The following ANGPTL6 variants were observed in gnomAD, a reference collection of about 807,000 sequenced individuals.
ANGPTL6 encodes angiopoietin like 6.
In ANGPTL6, 45 loss-of-function variants were observed where a neutral mutation model predicts 47.4. That is an observed-to-expected ratio of 0.95 (90% CI 0.75 to 1.22). The LOEUF is 1.22. Ranked by LOEUF, ANGPTL6 falls within the 50% of genes most tolerant of loss-of-function variation. ANGPTL6 has a pLI of 0.00. For missense variants in ANGPTL6, 698 were observed against 669.4 expected, an observed-to-expected ratio of 1.04 and a Z score of -0.47; for synonymous variants, 290 against 295.9, an observed-to-expected ratio of 0.98 and a Z score of 0.20.
rs1310330965 is a variant in ANGPTL6, at chr19:10,094,952, G to A, written c.583-14C>T. 3 of 1,592,934 alleles carry A rather than the reference G, an allele frequency of 1.9e-6. No homozygotes were observed. The highest frequency in any genetic ancestry group is 2.6e-6 in the Non-Finnish European group (3 of 1,168,342). On this transcript the variant is annotated splice_polypyrimidine_tract_variant and intron_variant, in intron 2 of 5. Coordinates refer to ENST00000253109, the MANE Select transcript of ANGPTL6 (RefSeq NM_031917.3). ...TGGCGGCAGGACCTGGGGTGACGGA[G>A]AAAGTCAGGTGTAATTGCACTAACC...
At chr19:10,100,715 G>C (rs1162305046) in intron 1 of ANGPTL6, among the ~76,000 whole-genome samples, 1 of 152,228 alleles carries the variant, frequency 6.6e-6, no homozygotes, top group East Asian at 1.9e-4. Context: ...TCCTGCCCTT[G>C]CAGAGCTGAC....
intron 1 of ANGPTL6, among the ~76,000 whole-genome samples, chr19:10,097,224 A>T (rs2088569406): frequency 6.6e-6 from 1 of 152,166 alleles, no homozygotes; most frequent in Non-Finnish European, 1.5e-5. Flanking sequence ...TAGACAACAC[A>T]GAGAGACCCT....
chr19:10,105,385 C>T (rs1256801215), upstream of ANGPTL6, among the ~76,000 whole-genome samples: 1 of 151,784 alleles, frequency 6.6e-6, no homozygotes, highest in Non-Finnish European at 1.5e-5. Flanking sequence ...ATGGGAGAGA[C>T]ATAGGGAGAT....
At chr19:10,093,043 G>T in intron 5 of ANGPTL6, 1 of 489,586 alleles carries the variant, frequency 2.0e-6, no homozygotes, top group South Asian at 4.3e-5. Context: ...GGAGTCTACC[G>T]TTCATTCCTT....
At chr19:10,094,538 C>CA (rs1448209108) in intron 3 of ANGPTL6, 6 of 617,630 alleles carry the variant, frequency 9.7e-6, no homozygotes, top group Non-Finnish European at 1.7e-5. Flanking sequence ...AAACTCTTAC[C>CA]AAAGTAGCAG....
At chr19:10,103,423 C>G (rs2088729360), upstream of ANGPTL6, among the ~76,000 whole-genome samples, 1 of 151,492 alleles carries the variant, frequency 6.6e-6, no homozygotes, top group South Asian at 2.1e-4. Flanking sequence ...AACCCCGTCT[C>G]TACTAACAAT....
rs754807990 is a variant in ANGPTL6, at chr19:10,096,160, G to C, written c.404C>G (p.Ala135Gly). The C allele has an allele frequency of 5.0e-5, 66 of 1,315,266 alleles. No individual in the cohort carries two copies. Among genetic ancestry groups the C allele is most frequent in the Middle Eastern group, 2.7e-4 (1 of 3,652 alleles). The allele number at this position is 1,315,266 out of a possible 1,614,324, so 81.5% of individuals were successfully genotyped here. The change falls in exon 2 of 6, where the codon GCG (alanine) becomes GGG (glycine). Residue 135 changes from alanine to glycine, a missense_variant. Physicochemically the swap from Ala to Gly is moderately conservative, Grantham distance 60. Transcript: ENST00000253109. ...CACGCGCTCCCCGAGCAGCGCCAGC[G>C]CCGCGGCAGGCTCCGCCCCCAGATC... ...GADLGAEPAAALALLGERVLN... is the reference protein window; with the variant it reads ...GADLGAEPAAGLALLGERVLN...
At chr19:10,099,501 C>A (rs947038445) in intron 1 of ANGPTL6, among the ~76,000 whole-genome samples, 8 of 147,042 alleles carry the variant, frequency 5.4e-5, no homozygotes, top group African/African-American at 2.0e-4. Context: ...GGCTTGAACC[C>A]GGGAGGCAGA....
rs2088412732 is a variant in ANGPTL6 at position 10,092,504 on chromosome 19, G to C, written c.*85C>G. On this transcript the variant is annotated 3_prime_UTR_variant, in exon 6 of 6. Coordinates refer to ENST00000253109, the MANE Select transcript of ANGPTL6 (RefSeq NM_031917.3). Reference sequence around the variant, plus strand: ...AAGTTCTGTGGGACACATTGGCACTGAGCCACAAAGAAGGTGTGGCCAGAA... The same window carrying C: ...AAGTTCTGTGGGACACATTGGCACTCAGCCACAAAGAAGGTGTGGCCAGAA... 6.6e-7 allele frequency: 1 copy of C among 1,522,722 alleles called. No homozygotes were observed. Among genetic ancestry groups the C allele is most frequent in the Middle Eastern group, 1.9e-4 (1 of 5,188 alleles). 94.3% of individuals were successfully genotyped at this position (1,522,722 alleles called of 1,614,324 possible).
At chr19:10,102,442 A>T in intron 1 of ANGPTL6, 126 bp downstream of exon 1, 1 of 517,472 alleles carries the variant, frequency 1.9e-6, no homozygotes, top group Non-Finnish European at 2.5e-6. Flanking sequence ...ACGTGTGTAT[A>T]ACACCCGCTG....
chr19:10,100,348 G>A (rs755395701), intron 1 of ANGPTL6, among the ~76,000 whole-genome samples: 11 of 152,026 alleles, frequency 7.2e-5, no homozygotes, highest in Non-Finnish European at 1.3e-4. Context: ...CACACAAGTG[G>A]TCCTCCTGCC....
At chr19:10,101,291 T>C (rs1456961218) in intron 1 of ANGPTL6, among the ~76,000 whole-genome samples, 2 of 146,148 alleles carry the variant, frequency 1.4e-5, no homozygotes, top group African/African-American at 5.1e-5. Flanking sequence ...TGCCTGTAAT[T>C]TCAGCACTTT....
Position 10,096,200 on chromosome 19 carries a change from C to T in ANGPTL6, c.364G>A (p.Ala122Thr). 1.6e-6 allele frequency: 2 copies of T among 1,226,542 alleles called. No individual in the cohort carries two copies. The highest frequency in any genetic ancestry group is 1.0e-6 in the Non-Finnish European group (1 of 984,274). The allele number at this position is 1,226,542 out of a possible 1,614,324, so 76.0% of individuals were successfully genotyped here. The change falls in exon 2 of 6, where the codon GCG (alanine) becomes ACG (threonine). Residue 122 changes from alanine to threonine, a missense_variant. Ala to Thr is a moderately conservative substitution (Grantham distance 58). Coordinates refer to ENST00000253109, the MANE Select transcript of ANGPTL6 (RefSeq NM_031917.3). ...GCCCCCAGATCCGCCCCCGGGCCCG[C>T]CCCGGGCCCCGCCTCGTGCTGCAGC... is the stretch of plus-strand genomic sequence containing the variant. ...AQLQHEAGPG[A>T]GPGADLGAEP... is the part of the protein sequence containing the mutation.
In ANGPTL6 at chr19:10,102,588, A is replaced by C; in HGVS notation, c.-31T>G. The C allele has an allele frequency of 1.0e-6, 1 of 984,564 alleles. No homozygotes were observed. The highest frequency in any genetic ancestry group is 1.7e-5 in the African/African-American group (1 of 57,278). 61.0% of individuals were successfully genotyped at this position (984,564 alleles called of 1,614,324 possible). A position where few individuals can be genotyped will look rare whatever the true frequency, so the allele number is the denominator to read the frequency against. ...CTCACCTCTGATGCCCAAGACCCTGAATCCAGCGAAGCTCACAGAACACAC... is the reference window on the plus strand; with the variant it reads ...CTCACCTCTGATGCCCAAGACCCTGCATCCAGCGAAGCTCACAGAACACAC... On this transcript the variant is annotated 5_prime_UTR_variant, in exon 1 of 6. The change creates a new upstream start codon in the 5' untranslated region. Coordinates refer to ENST00000253109, the MANE Select transcript of ANGPTL6 (RefSeq NM_031917.3).
At position 10,096,419 on chromosome 19, in the gene ANGPTL6, A is replaced by G; in HGVS notation, c.145T>C (p.Ser49Pro). The change falls in exon 2 of 6, where the codon TCC (serine) becomes CCC (proline). Residue 49 changes from serine to proline, a missense_variant. Coordinates refer to ENST00000253109, the MANE Select transcript of ANGPTL6 (RefSeq NM_031917.3). ...TGAVCWSGPASTRATPEAANA... is the reference protein window; with the variant it reads ...TGAVCWSGPAPTRATPEAANA... ...GCGGCCTCGGGCGTCGCCCGCGTGG[A>G]TGCGGGGCCGCTCCAGCACACAGCG... 1.5e-6 allele frequency: 2 copies of G among 1,341,742 alleles called. No individual in the cohort carries two copies. The highest frequency in any genetic ancestry group is 1.8e-5 in the South Asian group (1 of 54,474). 83.1% of individuals were successfully genotyped at this position (1,341,742 alleles called of 1,614,324 possible).
upstream of ANGPTL6, among the ~76,000 whole-genome samples, chr19:10,103,578 G>A (rs2088732758): frequency 6.8e-6 from 1 of 147,816 alleles, no homozygotes; most frequent in South Asian, 2.1e-4. Context: ...TGGGCGACAA[G>A]ACTGAAATTC....
intron 5 of ANGPTL6, 51 bp from the exon 6 acceptor site, chr19:10,092,830 C>G: frequency 2.0e-6 from 3 of 1,465,632 alleles, no homozygotes; most frequent in Non-Finnish European, 2.8e-6. Context: ...AAAGCCTCTA[C>G]CTGCACCTCA....
In ANGPTL6 at chr19:10,092,541, CCTG is replaced by C. The variant is rs1401048436; in HGVS notation, c.*45_*47del. 6.4e-7 allele frequency: 1 copy of C among 1,553,512 alleles called. No homozygotes were observed. The highest frequency in any genetic ancestry group is 8.7e-7 in the Non-Finnish European group (1 of 1,146,582). ...AGGTGTGGCCAGAACAACTTGGGCTCCTGCTGACCAATGTCCTCTAGGGCCTAG... is the reference window on the plus strand; with the variant it reads ...AGGTGTGGCCAGAACAACTTGGGCTCCTGACCAATGTCCTCTAGGGCCTAG... On this transcript the variant is annotated 3_prime_UTR_variant, in exon 6 of 6. Coordinates refer to ENST00000253109, the MANE Select transcript of ANGPTL6 (RefSeq NM_031917.3).
intron 1 of ANGPTL6, among the ~76,000 whole-genome samples, chr19:10,099,296 C>A (rs1011318698): frequency 6.6e-6 from 1 of 152,044 alleles, no homozygotes; most frequent in Non-Finnish European, 1.5e-5. Flanking sequence ...TAAAAAGTTG[C>A]GCTATCTTGG....
Sources: allele counts gnomAD v4.1 joint callset (sites outside exome capture counted in the v4.1 genomes callset), GRCh38; gene constraint gnomAD v4.1.1; transcripts MANE v1.5; gene names NCBI Gene and HGNC (gene_info 2026-07-23, HGNC 2026-07-21).